Variants in CDH12 observed in about 807,000 individuals in gnomAD.
The protein encoded by CDH12 is cadherin-12.
In CDH12, 41 loss-of-function variants were observed where a neutral mutation model predicts 74.1. The ratio of observed to expected loss-of-function variants is 0.55; its 90% CI spans 0.43 to 0.72. The LOEUF (loss-of-function observed/expected upper bound fraction) is 0.72, where lower values mean the gene tolerates loss of function less well. CDH12 is among the 30% of genes least tolerant of loss of function. The pLI, the probability that CDH12 is intolerant of heterozygous loss-of-function variation, is 0.00. For synonymous variants in CDH12, 399 were observed against 355.0 expected (o/e 1.12, Z -1.39); for missense variants, 945 against 977.2 (o/e 0.97, Z 0.44).
intron 3 of CDH12, among the ~76,000 whole-genome samples, chr5:22,297,316 C>T (rs554286491): frequency 9.9e-5 from 15 of 152,262 alleles, no homozygotes; most frequent in East Asian, 1.9e-4. Flanking sequence ...CCACCGCGCC[C>T]GGCTTTCACA....
rs892867901 is a variant in CDH12 at position 22,853,310 on chromosome 5, T to C, written c.-775A>G. 1 of 152,122 alleles carries C rather than the reference T, an allele frequency of 6.6e-6. No individual in the cohort carries two copies. Among genetic ancestry groups the C allele is most frequent in the Non-Finnish European group, 1.5e-5 (1 of 68,028 alleles). The allele number at this position is 152,122 out of a possible 1,614,324, so 9.4% of individuals were successfully genotyped here. On this transcript the variant is annotated 5_prime_UTR_variant, in exon 1 of 15. Coordinates refer to ENST00000382254, the MANE Select transcript of CDH12 (RefSeq NM_004061.5). ...TCAGAAAAGCCTGGACCCCTCTCTGTGGCTCCCTCCACATTTACCCTTCAG... is the reference window on the plus strand; with the variant it reads ...TCAGAAAAGCCTGGACCCCTCTCTGCGGCTCCCTCCACATTTACCCTTCAG...
intron 1 of CDH12, among the ~76,000 whole-genome samples, chr5:22,578,842 T>C (rs766813806): frequency 6.6e-6 from 1 of 152,208 alleles, no homozygotes; most frequent in Non-Finnish European, 1.5e-5. Context: ...CAGTCTTGAA[T>C]TGTTTCTTCT....
intron 3 of CDH12, among the ~76,000 whole-genome samples, chr5:22,248,213 T>C (rs776077755): frequency 5.3e-5 from 8 of 152,078 alleles, no homozygotes; most frequent in Non-Finnish European, 7.4e-5. Context: ...AGCAGGAGAA[T>C]TGCTTAACCC....
intron 4 of CDH12, among the ~76,000 whole-genome samples, chr5:22,106,107 C>A (rs1744427257): frequency 6.6e-6 from 1 of 151,754 alleles, no homozygotes; most frequent in Non-Finnish European, 1.5e-5. Context: ...AGAAGGAAAC[C>A]ATAGACACTG....
chr5:22,375,723 C>T (rs947496581), intron 3 of CDH12, among the ~76,000 whole-genome samples: 12 of 151,634 alleles, frequency 7.9e-5, no homozygotes, highest in Non-Finnish European at 1.5e-4. Flanking sequence ...CAGGGAAATG[C>T]GACTCAAAAC....
At chr5:22,589,451 G>C (rs1740573656) in intron 1 of CDH12, among the ~76,000 whole-genome samples, 1 of 152,134 alleles carries the variant, frequency 6.6e-6, no homozygotes, top group Non-Finnish European at 1.5e-5. Flanking sequence ...CTGTCACGTT[G>C]TTCTCTATTC....
At chr5:21,954,685 G>C (rs548644960) in intron 6 of CDH12, among the ~76,000 whole-genome samples, 1 of 152,138 alleles carries the variant, frequency 6.6e-6, no homozygotes, top group East Asian at 1.9e-4. Context: ...TGTTTAATGA[G>C]ATCCTGTCAT....
intron 1 of CDH12, among the ~76,000 whole-genome samples, chr5:22,739,626 G>C (rs76647058): frequency 0.015 from 2,316 of 152,042 alleles, 31 homozygotes; most frequent in Non-Finnish European, 0.023. Context: ...CAGTATCATT[G>C]GCTATAGGTA....
chr5:22,217,750 T>C (rs1374625797), intron 3 of CDH12, among the ~76,000 whole-genome samples: 1 of 151,674 alleles, frequency 6.6e-6, no homozygotes, highest in Non-Finnish European at 1.5e-5. Flanking sequence ...TAAAATGCCA[T>C]TAAACAAATG....
intron 2 of CDH12, among the ~76,000 whole-genome samples, chr5:22,429,141 T>C (rs1744065466): frequency 6.6e-6 from 1 of 150,706 alleles, no homozygotes; most frequent in South Asian, 2.1e-4. Flanking sequence ...TTTATTTTAT[T>C]TTATTTTCTA....
chr5:22,636,948 C>T (rs958131220), intron 1 of CDH12, among the ~76,000 whole-genome samples: 1 of 152,036 alleles, frequency 6.6e-6, no homozygotes, highest in African/African-American at 2.4e-5. Context: ...AATTTCATAT[C>T]GGTTTTATTT....
At chr5:21,782,990 G>A (rs551405309) in intron 11 of CDH12, among the ~76,000 whole-genome samples, 1 of 152,246 alleles carries the variant, frequency 6.6e-6, no homozygotes, top group African/African-American at 2.4e-5. Context: ...CAGAATGGGT[G>A]ATTTTACATG....
chr5:22,505,583 A>C (rs1369060163), intron 1 of CDH12, among the ~76,000 whole-genome samples: 1 of 152,056 alleles, frequency 6.6e-6, no homozygotes, highest in Non-Finnish European at 1.5e-5. Context: ...GCTGCTTTTG[A>C]TACATTGTGA....
intron 5 of CDH12, among the ~76,000 whole-genome samples, chr5:22,075,335 T>C (rs1462730406): frequency 7.1e-6 from 1 of 140,262 alleles, no homozygotes; most frequent in Admixed American, 7.1e-5. Context: ...GGGGGAGGGA[T>C]AGCATTAGGA....
intron 3 of CDH12, among the ~76,000 whole-genome samples, chr5:22,351,570 G>A (rs943966356): frequency 6.6e-6 from 1 of 152,000 alleles, no homozygotes; most frequent in Non-Finnish European, 1.5e-5. Flanking sequence ...ATGATTTAAC[G>A]AGATGCTATT....
At chr5:22,091,810 A>C (rs1743449704) in intron 4 of CDH12, among the ~76,000 whole-genome samples, 1 of 151,892 alleles carries the variant, frequency 6.6e-6, no homozygotes, top group Admixed American at 6.6e-5. Flanking sequence ...AAAGCTCAAA[A>C]CACCACTGCA....
chr5:22,313,646 C>T (rs1011269053), intron 3 of CDH12, among the ~76,000 whole-genome samples: 1 of 152,062 alleles, frequency 6.6e-6, no homozygotes, highest in African/African-American at 2.4e-5. Context: ...ACTAGGCAGC[C>T]ATTAAAAGGA....
intron 8 of CDH12, among the ~76,000 whole-genome samples, chr5:21,833,303 ATATGTTATATGTTATATAATATATAT>A (rs1749293583): frequency 2.5e-5 from 1 of 39,530 alleles, no homozygotes; most frequent in African/African-American, 2.5e-4. Context: ...AATATATATT[ATATGTTATATGTTATATAATATATAT>A]TATATATTAT....
At chr5:22,767,015 T>C (rs1352264598) in intron 1 of CDH12, among the ~76,000 whole-genome samples, 1 of 152,014 alleles carries the variant, frequency 6.6e-6, no homozygotes, top group African/African-American at 2.4e-5. Flanking sequence ...TTTGTGATTT[T>C]TTACATGTAT....
Sources: gnomAD v4.1 joint callset for allele counts (sites outside exome capture counted in the v4.1 genomes callset) on GRCh38, gnomAD v4.1.1 for gene constraint, MANE v1.5 for transcripts, NCBI Gene and HGNC (gene_info 2026-07-23, HGNC 2026-07-21) for gene names.